The following ABTB2 variants were observed in gnomAD, a reference collection of about 807,000 sequenced individuals.
ABTB2 encodes ankyrin repeat and BTB/POZ domain-containing protein 2.
Under a neutral mutation model 104.1 loss-of-function variants are expected in ABTB2, and 56 were observed. That is an observed-to-expected ratio of 0.54 (90% CI 0.43 to 0.67). The LOEUF is 0.67. ABTB2 is among the 30% of genes least tolerant of loss of function. The pLI is 0.00. For synonymous variants in ABTB2, 606 were observed against 608.2 expected (o/e 1.00, Z 0.05); for missense variants, 1,279 against 1,407.7 (o/e 0.91, Z 1.46).
At chr11:34,301,470 A>T (rs140115053) in intron 1 of ABTB2, among the ~76,000 whole-genome samples, 7 of 152,366 alleles carry the variant, frequency 4.6e-5, no homozygotes, top group Admixed American at 2.0e-4. Context: ...AGCATAAACA[A>T]TGAGCTTACA....
chr11:34,217,802 G>T (rs757091341), intron 1 of ABTB2, among the ~76,000 whole-genome samples: 15 of 152,208 alleles, frequency 9.9e-5, no homozygotes, highest in African/African-American at 1.4e-4. Flanking sequence ...ACTAAGGAAT[G>T]CAGTTGCTGA....
intron 1 of ABTB2, among the ~76,000 whole-genome samples, chr11:34,272,921 T>C (rs1181703951): frequency 2.0e-5 from 3 of 152,018 alleles, no homozygotes; most frequent in African/African-American, 7.3e-5. Flanking sequence ...ACTAGCTGTG[T>C]GACCTTAAGC....
rs1386092891 is a variant in ABTB2, at chr11:34,152,445, TCCTGCAGTGGATCCAGGC to T, written c.3002_3019del (p.Gly1001_Gln1006del). 2 of 1,598,544 alleles carry T rather than the reference TCCTGCAGTGGATCCAGGC, an allele frequency of 1.3e-6. No homozygotes were observed. The highest frequency in any genetic ancestry group is 2.2e-5 in the East Asian group (1 of 44,494). ...GCGCTCTGCCAGGGTGTTCTGCAGG[TCCTGCAGTGGATCCAGGC>T]CCTGCACTTTGCTGCTGCGGCCGTA... On this transcript the variant is annotated inframe_deletion, in exon 17 of 17. Coordinates refer to ENST00000435224, the MANE Select transcript of ABTB2 (RefSeq NM_145804.3).
chr11:34,332,555 G>A (rs775663895), intron 1 of ABTB2, among the ~76,000 whole-genome samples: 10 of 152,012 alleles, frequency 6.6e-5, no homozygotes, highest in Non-Finnish European at 1.3e-4. Context: ...GGTTTTTTGA[G>A]GAGGAGCTAG....
chr11:34,335,804 G>A, intron 1 of ABTB2: 1 of 1,356,060 alleles, frequency 7.4e-7, no homozygotes, highest in East Asian at 2.3e-5. Flanking sequence ...CTCTGATCTT[G>A]AGGTCCAAAC....
intron 1 of ABTB2, 123 bp from the exon 2 acceptor site, chr11:34,204,813 T>TA: frequency 8.7e-7 from 1 of 1,151,372 alleles, no homozygotes; most frequent in Non-Finnish European, 1.2e-6. Flanking sequence ...GTTCAGGAGG[T>TA]AAAATCTCTC....
At chr11:34,268,346 C>G (rs1854274132) in intron 1 of ABTB2, among the ~76,000 whole-genome samples, 1 of 152,192 alleles carries the variant, frequency 6.6e-6, no homozygotes, top group Non-Finnish European at 1.5e-5. Flanking sequence ...GAACACGAAG[C>G]AGAAGATGCC....
At chr11:34,280,769 C>G (rs927497358) in intron 1 of ABTB2, among the ~76,000 whole-genome samples, 1 of 152,100 alleles carries the variant, frequency 6.6e-6, no homozygotes, top group Non-Finnish European at 1.5e-5. Context: ...TTAATAAATG[C>G]GGATGCTCAG....
At chr11:34,217,790 A>G (rs1371366759) in intron 1 of ABTB2, among the ~76,000 whole-genome samples, 1 of 152,238 alleles carries the variant, frequency 6.6e-6, no homozygotes, top group Non-Finnish European at 1.5e-5. Context: ...CTTTGGGCAA[A>G]TACTAAGGAA....
intron 1 of ABTB2, among the ~76,000 whole-genome samples, chr11:34,287,736 C>T (rs1185540293): frequency 6.6e-6 from 1 of 152,170 alleles, no homozygotes. Context: ...CGAGGGTCCC[C>T]TTCTATTTTA....
intron 3 of ABTB2, among the ~76,000 whole-genome samples, chr11:34,196,958 C>T (rs1237207738): frequency 6.6e-6 from 1 of 152,244 alleles, no homozygotes. Context: ...ACCTAGCCCC[C>T]ATCCTACATG....
intron 1 of ABTB2, among the ~76,000 whole-genome samples, chr11:34,224,992 T>C (rs996312232): frequency 3.9e-5 from 6 of 152,212 alleles, no homozygotes; most frequent in African/African-American, 1.4e-4. Flanking sequence ...TATAAAAAAA[T>C]CCATGTTCAG....
rs943094442 is a variant in ABTB2 at position 34,221,448 on chromosome 11, G to A, written c.884-16758C>T. On this transcript the variant is annotated intron_variant, in intron 1 of 16. Transcript: ENST00000435224. ...GAGGTACATAGTTCAGCCCCTAAAG[G>A]TCAGGTTTTCTGTGACTTGCAGATG... Among the ~76,000 whole-genome samples the A allele has an allele frequency of 7.2e-5, 11 of 152,238 alleles. No homozygotes were observed. In the South Asian group the frequency reaches 1.9e-3, roughly 26 times the overall value.
At chr11:34,273,240 T>C (rs1412916499) in intron 1 of ABTB2, among the ~76,000 whole-genome samples, 1 of 152,204 alleles carries the variant, frequency 6.6e-6, no homozygotes, top group African/African-American at 2.4e-5. Flanking sequence ...GGTTAATGGT[T>C]GTGATGCTTT....
At chr11:34,343,789 A>C (rs1468860859) in intron 1 of ABTB2, among the ~76,000 whole-genome samples, 1 of 151,990 alleles carries the variant, frequency 6.6e-6, no homozygotes, top group Non-Finnish European at 1.5e-5. Context: ...TTTTATTTTT[A>C]AGCTATCCAG....
At chr11:34,205,750 G>T (rs1286263403) in intron 1 of ABTB2, among the ~76,000 whole-genome samples, 2 of 152,186 alleles carry the variant, frequency 1.3e-5, no homozygotes, top group African/African-American at 4.8e-5. Context: ...ATGTAACAAG[G>T]ACAACAGCAG....
intron 1 of ABTB2, among the ~76,000 whole-genome samples, chr11:34,311,734 C>T (rs557931057): frequency 7.2e-5 from 11 of 152,336 alleles, no homozygotes; most frequent in African/African-American, 2.6e-4. Context: ...GTAATTATTA[C>T]ACTTTTCTCT....
At chr11:34,212,670 A>G (rs990164366) in intron 1 of ABTB2, among the ~76,000 whole-genome samples, 1 of 152,222 alleles carries the variant, frequency 6.6e-6, no homozygotes, top group African/African-American at 2.4e-5. Flanking sequence ...ACTCAGAGAC[A>G]GCACTCTTCC....
chr11:34,199,437 T>A (rs1361927127), intron 2 of ABTB2, among the ~76,000 whole-genome samples: 1 of 152,200 alleles, frequency 6.6e-6, no homozygotes, highest in Non-Finnish European at 1.5e-5. Flanking sequence ...CTGGTTTCCA[T>A]CCCTGTGACC....
Sources: gnomAD v4.1 joint callset for allele counts (sites outside exome capture counted in the v4.1 genomes callset) on GRCh38, gnomAD v4.1.1 for gene constraint, MANE v1.5 for transcripts, NCBI Gene and HGNC (gene_info 2026-07-23, HGNC 2026-07-21) for gene names.